The following KPNA3 variants were observed in gnomAD, a reference collection of about 807,000 sequenced individuals.
KPNA3 encodes the protein karyopherin subunit alpha 3.
In KPNA3, 13 loss-of-function variants were observed where a neutral mutation model predicts 73.8. The observed-to-expected ratio is 0.18, with a 90% CI of 0.11 to 0.28. The LOEUF is 0.28. KPNA3 is among the 10% of genes least tolerant of loss of function. The pLI is 1.00. For synonymous variants in KPNA3, 186 were observed against 206.9 expected, an observed-to-expected ratio of 0.90 and a Z score of 0.87; for missense variants, 360 against 618.1, an observed-to-expected ratio of 0.58 and a Z score of 4.43.
chr13:49,709,465 G>T, intron 12 of KPNA3, 107 bp downstream of exon 12: 3 of 828,470 alleles, frequency 3.6e-6, no homozygotes, highest in South Asian at 2.3e-5. Flanking sequence ...TCTCATCTTC[G>T]CTGCAGTGGC....
intron 10 of KPNA3, among the ~76,000 whole-genome samples, chr13:49,712,737 T>TA (rs1228024182): frequency 6.6e-6 from 1 of 150,784 alleles, no homozygotes; most frequent in Non-Finnish European, 1.5e-5. Flanking sequence ...GAGACAGAAG[T>TA]AAAAAAATAT....
At chr13:49,751,597 C>T (rs557172079) in intron 1 of KPNA3, among the ~76,000 whole-genome samples, 1 of 152,226 alleles carries the variant, frequency 6.6e-6, no homozygotes, top group East Asian at 1.9e-4. Context: ...AATAGCCAAA[C>T]TTAAACTCCA....
intron 6 of KPNA3, among the ~76,000 whole-genome samples, chr13:49,726,064 C>A (rs757063576): frequency 1.3e-5 from 2 of 152,196 alleles, no homozygotes; most frequent in Non-Finnish European, 2.9e-5. Flanking sequence ...GACTTCCTCT[C>A]CACAGACACA....
chr13:49,710,401 A>G (rs993986731), intron 11 of KPNA3, among the ~76,000 whole-genome samples: 3 of 152,216 alleles, frequency 2.0e-5, no homozygotes, highest in African/African-American at 7.2e-5. Context: ...AAGAAATGCA[A>G]TTAGGTTATT....
chr13:49,748,497 A>G (rs1056957953), intron 1 of KPNA3, among the ~76,000 whole-genome samples: 4 of 152,096 alleles, frequency 2.6e-5, no homozygotes, highest in Admixed American at 6.6e-5. Context: ...ATTTTAATAT[A>G]CTGCCAAGGT....
chr13:49,775,608 C>A (rs1342573465), intron 1 of KPNA3, among the ~76,000 whole-genome samples: 2 of 152,190 alleles, frequency 1.3e-5, no homozygotes, highest in East Asian at 3.8e-4. Context: ...TTCATCCCCA[C>A]CAAGAAGCCC....
intron 15 of KPNA3, among the ~76,000 whole-genome samples, chr13:49,704,444 AATAAATAAAT>A: frequency 2.2e-5 from 1 of 44,574 alleles, no homozygotes; most frequent in African/African-American, 8.1e-5. Context: ...AAAATAAATA[AATAAATAAAT>A]AAATAAATAA....
intron 1 of KPNA3, among the ~76,000 whole-genome samples, chr13:49,751,667 G>A (rs1954664376): frequency 6.6e-6 from 1 of 152,150 alleles, no homozygotes; most frequent in African/African-American, 2.4e-5. Flanking sequence ...CCAGAACTTT[G>A]GGAGGCCGAG....
At position 49,724,650 on chromosome 13, in the gene KPNA3, T is replaced by C. The variant is rs960531470; in HGVS notation, c.469+766A>G. ...TCTCACTCTGTCGCCGGGGCTGGAATGCAGTGTGCAGTCTCGGCTCACTGC... is the reference window on the plus strand; with the variant it reads ...TCTCACTCTGTCGCCGGGGCTGGAACGCAGTGTGCAGTCTCGGCTCACTGC... On this transcript the variant is annotated intron_variant, in intron 7 of 16. Coordinates refer to ENST00000261667, the MANE Select transcript of KPNA3 (RefSeq NM_002267.4). Among the ~76,000 whole-genome samples the C allele has an allele frequency of 2.0e-5, 3 of 151,404 alleles. No individual in the cohort carries two copies. The South Asian group carries it at 6.3e-4, about 32-fold the overall frequency.
chr13:49,709,398 C>CA (rs386379154), intron 12 of KPNA3, among the ~76,000 whole-genome samples, 174 bp downstream of exon 12: 7,440 of 97,470 alleles, frequency 0.076, 457 homozygotes, highest in African/African-American at 0.21. Flanking sequence ...GACTCTGTCT[C>CA]AAAAAAAAAA....
intron 10 of KPNA3, among the ~76,000 whole-genome samples, chr13:49,711,297 TA>T (rs980759039): frequency 4.6e-5 from 7 of 152,334 alleles, no homozygotes; most frequent in African/African-American, 1.7e-4. Flanking sequence ...CAGATGAATT[TA>T]AAAACAGGCA....
At chr13:49,776,247 C>CA (rs1336950889) in intron 1 of KPNA3, among the ~76,000 whole-genome samples, 1 of 152,082 alleles carries the variant, frequency 6.6e-6, no homozygotes, top group African/African-American at 2.4e-5. Context: ...ATCCAAGTAT[C>CA]AATTCTTTCT....
chr13:49,785,023 A>C (rs1188569781), intron 1 of KPNA3, among the ~76,000 whole-genome samples: 1 of 152,204 alleles, frequency 6.6e-6, no homozygotes, highest in East Asian at 1.9e-4. Context: ...CAGGAGGCAG[A>C]GAAGGATATT....
At chr13:49,770,912 C>T (rs1954849613) in intron 1 of KPNA3, among the ~76,000 whole-genome samples, 1 of 151,228 alleles carries the variant, frequency 6.6e-6, no homozygotes, top group African/African-American at 2.4e-5. Context: ...TCTGGACTCT[C>T]AATTCTATTC....
chr13:49,748,966 C>T (rs1162440537), intron 1 of KPNA3, among the ~76,000 whole-genome samples: 3 of 152,142 alleles, frequency 2.0e-5, no homozygotes, highest in Non-Finnish European at 4.4e-5. Context: ...GATTAGAACT[C>T]TACCACTGTT....
At chr13:49,727,026 A>T (rs1449513049) in intron 6 of KPNA3, among the ~76,000 whole-genome samples, 1 of 152,196 alleles carries the variant, frequency 6.6e-6, no homozygotes, top group African/African-American at 2.4e-5. Context: ...AAGAGTACAA[A>T]TTCCCTTAAG....
At chr13:49,738,260 T>C (rs566859767) in intron 2 of KPNA3, among the ~76,000 whole-genome samples, 19 of 152,366 alleles carry the variant, frequency 1.2e-4, no homozygotes, top group Non-Finnish European at 2.5e-4. Context: ...TTGATTACTA[T>C]GGCTATATAC....
chr13:49,763,598 C>T (rs1419873924), intron 1 of KPNA3, among the ~76,000 whole-genome samples: 4 of 152,140 alleles, frequency 2.6e-5, no homozygotes, highest in Non-Finnish European at 5.9e-5. Context: ...GGAAAATATC[C>T]TAGAAGGAGC....
chr13:49,704,390 C>G (rs749724538), intron 15 of KPNA3, among the ~76,000 whole-genome samples: 11 of 146,162 alleles, frequency 7.5e-5, no homozygotes, highest in Non-Finnish European at 1.5e-4. Flanking sequence ...CCAGCCTGGG[C>G]AACAAGAGCG....
Sources: gnomAD v4.1 joint callset for allele counts (sites outside exome capture counted in the v4.1 genomes callset) on GRCh38, gnomAD v4.1.1 for gene constraint, MANE v1.5 for transcripts, NCBI Gene and HGNC (gene_info 2026-07-23, HGNC 2026-07-21) for gene names.